PLCXD2: variants seen among roughly 807,000 people sequenced by gnomAD.
PLCXD2 encodes phosphatidylinositol specific phospholipase C X domain containing 2, also known as PI-PLC X domain-containing protein 2.
In PLCXD2, 21 loss-of-function variants were observed where a neutral mutation model predicts 28.6. That is an observed-to-expected ratio of 0.73 (90% CI 0.52 to 1.06). The LOEUF (loss-of-function observed/expected upper bound fraction) is 1.06, where lower values mean the gene tolerates loss of function less well. PLCXD2 is among the 50% of genes least tolerant of loss of function. The pLI, the probability that PLCXD2 is intolerant of heterozygous loss-of-function variation, is 0.00. For synonymous variants in PLCXD2, 140 were observed against 150.1 expected (o/e 0.93, Z 0.49); for missense variants, 369 against 376.7 (o/e 0.98, Z 0.17).
intron 1 of PLCXD2, among the ~76,000 whole-genome samples, chr3:111,678,836 T>C (rs1559789993): frequency 6.6e-6 from 1 of 152,170 alleles, no homozygotes; most frequent in Non-Finnish European, 1.5e-5. Flanking sequence ...GAAGGAATGA[T>C]TGGGTCATTT....
intron 1 of PLCXD2, among the ~76,000 whole-genome samples, chr3:111,701,377 T>C (rs1364548085): frequency 6.6e-6 from 1 of 152,164 alleles, no homozygotes; most frequent in Non-Finnish European, 1.5e-5. Context: ...GAGAAAATAT[T>C]TTACAGAGTA....
chr3:111,723,998 C>T (rs1405372688), intron 3 of PLCXD2: 1 of 152,098 alleles, frequency 6.6e-6, no homozygotes, highest in Non-Finnish European at 1.5e-5. Context: ...GCTCCCTGGA[C>T]CATTTCCCAC....
At chr3:111,680,332 G>A (rs895771131) in intron 1 of PLCXD2, among the ~76,000 whole-genome samples, 1 of 152,062 alleles carries the variant, frequency 6.6e-6, no homozygotes, top group African/African-American at 2.4e-5. Context: ...AAGAAGTTTT[G>A]GTTGGCTCTA....
intron 3 of PLCXD2, among the ~76,000 whole-genome samples, chr3:111,717,920 T>G (rs1029581671): frequency 2.6e-5 from 4 of 152,174 alleles, no homozygotes; most frequent in Non-Finnish European, 4.4e-5. Context: ...GTGACCTCTT[T>G]AAGGTGTAGT....
At chr3:111,722,490 A>G (rs1173807964) in intron 3 of PLCXD2, 2 of 152,184 alleles carry the variant, frequency 1.3e-5, no homozygotes, top group Non-Finnish European at 2.9e-5. Flanking sequence ...AAGAACTATT[A>G]GTTCATAAGT....
intron 2 of PLCXD2, among the ~76,000 whole-genome samples, chr3:111,709,181 A>G (rs1941165286): frequency 6.6e-6 from 1 of 152,062 alleles, no homozygotes; most frequent in Non-Finnish European, 1.5e-5. Context: ...CGAGGCAGAT[A>G]TTTTTTAACT....
At chr3:111,679,565 T>C (rs1576451963) in intron 1 of PLCXD2, among the ~76,000 whole-genome samples, 1 of 152,218 alleles carries the variant, frequency 6.6e-6, no homozygotes, top group East Asian at 1.9e-4. Context: ...GTAAGAATGC[T>C]GGAAACATGG....
In PLCXD2 at chr3:111,674,968, G is replaced by C; in HGVS notation, c.-278G>C. On this transcript the variant is annotated 5_prime_UTR_variant, in exon 1 of 5. Coordinates refer to ENST00000477665, the MANE Select transcript of PLCXD2 (RefSeq NM_001185106.1). ...GTTTATGTAAGATTTATCTCTAGGGGCCTACCTTCCCCCATCTCCAGAGGG... is the reference window on the plus strand; with the variant it reads ...GTTTATGTAAGATTTATCTCTAGGGCCCTACCTTCCCCCATCTCCAGAGGG... The C allele has an allele frequency of 2.5e-6, 1 of 403,628 alleles. No individual in the cohort carries two copies. Among genetic ancestry groups the C allele is most frequent in the Non-Finnish European group, 4.4e-6 (1 of 226,210 alleles). The allele number at this position is 403,628 out of a possible 1,614,324, so 25.0% of individuals were successfully genotyped here.
intron 2 of PLCXD2, among the ~76,000 whole-genome samples, chr3:111,712,370 C>A (rs571228865): frequency 1.3e-5 from 2 of 152,300 alleles, no homozygotes; most frequent in East Asian, 3.9e-4. Context: ...ACCTCTCCCA[C>A]GGTCCACTGC....
chr3:111,715,627 TAAATC>T (rs372129195), intron 3 of PLCXD2, among the ~76,000 whole-genome samples: 39 of 152,350 alleles, frequency 2.6e-4, no homozygotes, highest in African/African-American at 7.7e-4. Flanking sequence ...ATTTGATTCT[TAAATC>T]AAGTCAGCCT....
rs1940597264 is a variant in PLCXD2, at chr3:111,675,013, G to A, written c.-233G>A. 1 of 531,854 alleles carries A rather than the reference G, an allele frequency of 1.9e-6. No individual in the cohort carries two copies. Among genetic ancestry groups the A allele is most frequent in the Non-Finnish European group, 3.3e-6 (1 of 301,760 alleles). 32.9% of individuals were successfully genotyped at this position (531,854 alleles called of 1,614,324 possible). ...AGAGGGGAACATAAGAAGTTTAACG[G>A]AGCTGGGACTGAGCAGATTAAGGGA... On this transcript the variant is annotated 5_prime_UTR_variant, in exon 1 of 5. Coordinates refer to ENST00000477665, the MANE Select transcript of PLCXD2 (RefSeq NM_001185106.1).
chr3:111,714,836 A>G (rs1238365793), intron 3 of PLCXD2, among the ~76,000 whole-genome samples: 1 of 152,188 alleles, frequency 6.6e-6, no homozygotes, highest in African/African-American at 2.4e-5. Context: ...GTGTATGTGT[A>G]TATGTATATG....
intron 1 of PLCXD2, among the ~76,000 whole-genome samples, chr3:111,679,504 G>A (rs1359764194): frequency 6.6e-6 from 1 of 152,146 alleles, no homozygotes; most frequent in Non-Finnish European, 1.5e-5. Flanking sequence ...AGGTAGCAGC[G>A]CAGTCATTGG....
At chr3:111,710,808 C>T (rs1941190036) in intron 2 of PLCXD2, among the ~76,000 whole-genome samples, 3 of 152,298 alleles carry the variant, frequency 2.0e-5, no homozygotes, top group Admixed American at 1.3e-4. Context: ...ATTTTATACA[C>T]AGCCAGGATT....
chr3:111,703,423 C>G (rs1427766268), intron 1 of PLCXD2, among the ~76,000 whole-genome samples: 1 of 152,200 alleles, frequency 6.6e-6, no homozygotes, highest in African/African-American at 2.4e-5. Flanking sequence ...TCTGCACAGT[C>G]CTCAGACACA....
chr3:111,703,259 G>T (rs1941071949), intron 1 of PLCXD2, among the ~76,000 whole-genome samples: 1 of 152,196 alleles, frequency 6.6e-6, no homozygotes, highest in Non-Finnish European at 1.5e-5. Flanking sequence ...AAAGCCTAAG[G>T]TGGGGCTGGG....
intron 3 of PLCXD2, chr3:111,722,870 A>C (rs990761740): frequency 6.6e-6 from 1 of 152,182 alleles, no homozygotes; most frequent in Admixed American, 6.5e-5. Flanking sequence ...TGCACCCTTG[A>C]GGAGGTCATA....
At chr3:111,677,540 C>G (rs1940643415) in intron 1 of PLCXD2, 1 of 152,200 alleles carries the variant, frequency 6.6e-6, no homozygotes, top group Non-Finnish European at 1.5e-5. Flanking sequence ...TACATTACCT[C>G]CAGTCCTCAT....
At position 111,675,110 on chromosome 3, in the gene PLCXD2, C is replaced by A. The variant is rs546886156; in HGVS notation, c.-136C>A. 1 of 1,014,998 alleles carries A rather than the reference C, an allele frequency of 9.9e-7. No individual in the cohort carries two copies. Among genetic ancestry groups the A allele is most frequent in the Non-Finnish European group, 1.5e-6 (1 of 683,922 alleles). The allele number at this position is 1,014,998 out of a possible 1,614,324, so 62.9% of individuals were successfully genotyped here. A position where few individuals can be genotyped will look rare whatever the true frequency, so the allele number is the denominator to read the frequency against. On this transcript the variant is annotated 5_prime_UTR_variant, in exon 1 of 5. Coordinates refer to ENST00000477665, the MANE Select transcript of PLCXD2 (RefSeq NM_001185106.1). ...TGGGTAAGGATCCATCTGTTTGCCC[C>A]GTCCCCCAGCCAGAAAGGCATTTTG... is the stretch of plus-strand genomic sequence containing the variant.
Sources: allele counts gnomAD v4.1 joint callset (sites outside exome capture counted in the v4.1 genomes callset), GRCh38; gene constraint gnomAD v4.1.1; transcripts MANE v1.5; gene names NCBI Gene and HGNC (gene_info 2026-07-23, HGNC 2026-07-21).